The following NUBPL variants were observed in gnomAD, a reference collection of about 807,000 sequenced individuals.
The protein encoded by NUBPL is iron-sulfur cluster transfer protein NUBPL.
NUBPL carries 31 observed loss-of-function variants against 45.7 expected under a neutral mutation model. The observed-to-expected ratio is 0.68, with a 90% CI of 0.51 to 0.92. The LOEUF is 0.92. NUBPL is among the 40% of genes least tolerant of loss of function. The pLI, the probability that NUBPL is intolerant of heterozygous loss-of-function variation, is 0.00. For missense variants in NUBPL, 401 were observed against 398.7 expected (o/e 1.01, Z -0.05); for synonymous variants, 144 against 140.9 (o/e 1.02, Z -0.15).
chr14:31,736,652 G>T (rs118061603), intron 6 of NUBPL, among the ~76,000 whole-genome samples: 4,705 of 152,210 alleles, frequency 0.031, 126 homozygotes, highest in Admixed American at 0.059. Flanking sequence ...TGAATAAGCT[G>T]CCATAAACAT....
chr14:31,606,643 C>G (rs1318541453), intron 4 of NUBPL, among the ~76,000 whole-genome samples: 1 of 152,154 alleles, frequency 6.6e-6, no homozygotes, highest in Non-Finnish European at 1.5e-5. Context: ...CCAGATACCT[C>G]CAGTTTTAAG....
chr14:31,673,711 A>G, intron 6 of NUBPL, 137 bp downstream of exon 6: 1 of 769,848 alleles, frequency 1.3e-6, no homozygotes, highest in South Asian at 1.5e-5. Context: ...ATGGCACCTA[A>G]TGAGTTAATG....
chr14:31,657,194 C>G (rs2036161091), intron 4 of NUBPL, among the ~76,000 whole-genome samples: 1 of 152,234 alleles, frequency 6.6e-6, no homozygotes, highest in South Asian at 2.1e-4. Flanking sequence ...AGTTTTATTA[C>G]CTGTGTGGGC....
At chr14:31,674,106 A>G (rs935249527) in intron 6 of NUBPL, among the ~76,000 whole-genome samples, 1 of 152,264 alleles carries the variant, frequency 6.6e-6, no homozygotes, top group African/African-American at 2.4e-5. Flanking sequence ...ATTTGATTGG[A>G]TAATCTAAAA....
At chr14:31,622,194 A>G (rs1363231174) in intron 4 of NUBPL, among the ~76,000 whole-genome samples, 1 of 152,170 alleles carries the variant, frequency 6.6e-6, no homozygotes, top group African/African-American at 2.4e-5. Context: ...ATCTGGCAGA[A>G]GAAATCTCTA....
In NUBPL at chr14:31,758,647, C is replaced by T. The variant is rs10142673; in HGVS notation, c.514-29133C>T. ...AATTATGAAATATTTTCAATTATAT[C>T]TCCCATCAAAAAGGAACTGAGAAAC... On this transcript the variant is annotated intron_variant, in intron 6 of 10. Coordinates refer to ENST00000281081, the MANE Select transcript of NUBPL (RefSeq NM_025152.3). Among the ~76,000 whole-genome samples the T allele has an allele frequency of 2.3e-3, 356 of 152,066 alleles. 2 individuals carry two copies. Among genetic ancestry groups the T allele is most frequent in the African/African-American group, 8.4e-3 (350 of 41,484 alleles).
chr14:31,822,151 G>A (rs2040028013), intron 7 of NUBPL, among the ~76,000 whole-genome samples: 1 of 152,098 alleles, frequency 6.6e-6, no homozygotes, highest in Non-Finnish European at 1.5e-5. Flanking sequence ...ATAGTCAATA[G>A]TAACTTAATT....
At chr14:31,741,190 A>G (rs2038275935) in intron 6 of NUBPL, among the ~76,000 whole-genome samples, 1 of 152,118 alleles carries the variant, frequency 6.6e-6, no homozygotes, top group African/African-American at 2.4e-5. Context: ...GCCAGGCATG[A>G]TGTATGGGTA....
intron 4 of NUBPL, among the ~76,000 whole-genome samples, chr14:31,612,304 A>G (rs921472379): frequency 1.3e-5 from 2 of 152,252 alleles, no homozygotes; most frequent in African/African-American, 4.8e-5. Context: ...CTGATAAAAA[A>G]TGGACAACAG....
chr14:31,783,339 A>G (rs2039226325), intron 6 of NUBPL, among the ~76,000 whole-genome samples: 1 of 151,908 alleles, frequency 6.6e-6, no homozygotes, highest in African/African-American at 2.4e-5. Context: ...TGAGCACTAG[A>G]TTCTGTGTGG....
At chr14:31,641,927 C>T (rs75052558) in intron 4 of NUBPL, among the ~76,000 whole-genome samples, 9,378 of 152,208 alleles carry the variant, frequency 0.062, 398 homozygotes, top group Non-Finnish European at 0.09. Flanking sequence ...TTTCTCTGAT[C>T]ATTAGTGATG....
intron 8 of NUBPL, among the ~76,000 whole-genome samples, chr14:31,840,236 C>T (rs924997758): frequency 1.3e-5 from 2 of 152,102 alleles, no homozygotes; most frequent in African/African-American, 4.8e-5. Flanking sequence ...TGTGTACACA[C>T]ACACACATAG....
intron 6 of NUBPL, among the ~76,000 whole-genome samples, chr14:31,731,576 G>C (rs1190988483): frequency 6.6e-6 from 1 of 152,128 alleles, no homozygotes; most frequent in East Asian, 1.9e-4. Context: ...CAGATCCTAA[G>C]ATAGATGCCA....
Position 31,684,584 on chromosome 14 carries a change from C to T in NUBPL, c.513+11010C>T, listed in dbSNP as rs1008321557. ...TGTTGTTAAGGAGGTGTTTTCTCCCCTCTGCCATGGCCCAAGTTGAGAGAT... is the reference window on the plus strand; with the variant it reads ...TGTTGTTAAGGAGGTGTTTTCTCCCTTCTGCCATGGCCCAAGTTGAGAGAT... On this transcript the variant is annotated intron_variant, in intron 6 of 10. Coordinates refer to ENST00000281081, the MANE Select transcript of NUBPL (RefSeq NM_025152.3). Among the ~76,000 whole-genome samples, 3 of 152,164 alleles carry T rather than the reference C, an allele frequency of 2.0e-5. No individual in the cohort carries two copies. In the South Asian group the frequency reaches 6.2e-4, roughly 31 times the overall value.
At chr14:31,561,985 A>G (rs2033295154) in intron 1 of NUBPL, 83 bp from the exon 2 acceptor site, 1 of 1,404,386 alleles carries the variant, frequency 7.1e-7, no homozygotes, top group Non-Finnish European at 9.8e-7. Flanking sequence ...TTAATTGCAA[A>G]CCCCAGATTG....
At chr14:31,659,160 T>C (rs1429887364) in intron 4 of NUBPL, among the ~76,000 whole-genome samples, 1 of 152,190 alleles carries the variant, frequency 6.6e-6, no homozygotes, top group Non-Finnish European at 1.5e-5. Flanking sequence ...TTCAGTGAAA[T>C]AAAATATCTA....
intron 6 of NUBPL, among the ~76,000 whole-genome samples, chr14:31,749,738 T>TTTTTTTTTTTTTTTTTTTTTTG: frequency 6.6e-6 from 1 of 152,206 alleles, no homozygotes; most frequent in Non-Finnish European, 1.5e-5. Flanking sequence ...TGAATGTTTA[T>TTTTTTTTTTTTTTTTTTTTTTG]AACTCTCCCA....
intron 6 of NUBPL, among the ~76,000 whole-genome samples, chr14:31,704,757 G>T (rs547972637): frequency 7.8e-4 from 118 of 151,928 alleles, no homozygotes; most frequent in African/African-American, 2.7e-3. Context: ...GTTCCCTCTA[G>T]TTCTACCCAC....
chr14:31,658,613 A>G (rs2036197180), intron 4 of NUBPL, among the ~76,000 whole-genome samples: 1 of 151,920 alleles, frequency 6.6e-6, no homozygotes, highest in Non-Finnish European at 1.5e-5. Context: ...TCTGGGTTCA[A>G]GTGATTCTCC....
Sources: allele counts gnomAD v4.1 joint callset (sites outside exome capture counted in the v4.1 genomes callset), GRCh38; gene constraint gnomAD v4.1.1; transcripts MANE v1.5; gene names NCBI Gene and HGNC (gene_info 2026-07-23, HGNC 2026-07-21).